BCAR3: variants seen among roughly 807,000 people sequenced by gnomAD.
BCAR3 encodes breast cancer anti-estrogen resistance protein 3.
Under a neutral mutation model 80.1 loss-of-function variants are expected in BCAR3, and 37 were observed. The observed-to-expected ratio is 0.46, with a 90% confidence interval of 0.36 to 0.61. The LOEUF (loss-of-function observed/expected upper bound fraction) is 0.61, where lower values mean the gene tolerates loss of function less well. Ranked by LOEUF, BCAR3 falls within the 20% of genes least tolerant of loss-of-function variation. BCAR3 has a pLI of 0.00. For synonymous variants in BCAR3, 389 were observed against 418.9 expected (o/e 0.93, Z 0.87); for missense variants, 978 against 1,068.2 (o/e 0.92, Z 1.18).
chr1:93,771,916 C>T (rs1434762168), intron 2 of BCAR3, among the ~76,000 whole-genome samples: 2 of 152,180 alleles, frequency 1.3e-5, no homozygotes, highest in Non-Finnish European at 2.9e-5. Flanking sequence ...ATGTCCATCT[C>T]CCTCCCACCA....
chr1:93,819,232 A>G (rs1654120623), intron 2 of BCAR3, among the ~76,000 whole-genome samples: 1 of 152,012 alleles, frequency 6.6e-6, no homozygotes, highest in Admixed American at 6.6e-5. Flanking sequence ...ACACCCAGTT[A>G]TTTTTGTATT....
chr1:93,669,499 G>A (rs1035037217), intron 2 of BCAR3, among the ~76,000 whole-genome samples: 6 of 152,166 alleles, frequency 3.9e-5, no homozygotes, highest in Non-Finnish European at 7.3e-5. Context: ...CTTGTGACGA[G>A]TCAGTCAGTT....
chr1:93,672,116 G>A (rs999199982), intron 2 of BCAR3, among the ~76,000 whole-genome samples: 1 of 152,192 alleles, frequency 6.6e-6, no homozygotes, highest in Non-Finnish European at 1.5e-5. Context: ...TAAACCAGGA[G>A]TGCTTGTTAA....
chr1:93,664,143 A>G (rs889876401), intron 2 of BCAR3, among the ~76,000 whole-genome samples: 4 of 152,028 alleles, frequency 2.6e-5, no homozygotes, highest in Non-Finnish European at 5.9e-5. Context: ...TTTGAGACGG[A>G]GTTTTGCTCT....
rs189528205 is a variant in BCAR3, at chr1:93,789,992, C to T, written c.-63+55575G>A. Among the ~76,000 whole-genome samples the T allele has an allele frequency of 3.4e-4, 51 of 152,206 alleles. 1 individual carries two copies. The highest frequency in any genetic ancestry group is 1.4e-3 in the Admixed American group (21 of 15,286). On this transcript the variant is annotated intron_variant, in intron 2 of 13. Transcript: ENST00000370244. ...AAACAAAAGTTAATGGGAAGCCCTT[C>T]CCCATTTGGTCAGAAGTAGAGGAGG...
chr1:93,680,418 C>T (rs764734041), intron 1 of BCAR3, among the ~76,000 whole-genome samples: 27 of 152,172 alleles, frequency 1.8e-4, no homozygotes, highest in Non-Finnish European at 2.9e-4. Context: ...AGCGCTTTGC[C>T]TGTGGGCTTC....
intron 2 of BCAR3, among the ~76,000 whole-genome samples, chr1:93,811,201 C>T (rs980806038): frequency 4.6e-5 from 7 of 151,982 alleles, no homozygotes; most frequent in African/African-American, 1.2e-4. Context: ...CTGGCCAGTG[C>T]GGCTTCCAGA....
chr1:93,631,855 C>T (rs989933372), intron 3 of BCAR3, among the ~76,000 whole-genome samples: 1 of 152,184 alleles, frequency 6.6e-6, no homozygotes, highest in African/African-American at 2.4e-5. Context: ...TATCTCAAAC[C>T]ATCAAGTTCA....
intron 2 of BCAR3, among the ~76,000 whole-genome samples, chr1:93,721,212 G>A (rs1650390626): frequency 6.6e-6 from 1 of 152,164 alleles, no homozygotes; most frequent in African/African-American, 2.4e-5. Flanking sequence ...GGAGGGGACA[G>A]TTACTCAGTT....
intron 1 of BCAR3, among the ~76,000 whole-genome samples, chr1:93,675,819 G>C (rs1648450627): frequency 6.6e-6 from 1 of 151,096 alleles, no homozygotes; most frequent in Non-Finnish European, 1.5e-5. Flanking sequence ...CATTTACCCT[G>C]AGCAGAGTCA....
chr1:93,670,923 AG>A (rs1648171301), intron 2 of BCAR3, among the ~76,000 whole-genome samples: 2 of 152,192 alleles, frequency 1.3e-5, no homozygotes, highest in African/African-American at 4.8e-5. Flanking sequence ...GTCAAAGAGG[AG>A]ACTTCCTCTG....
intron 2 of BCAR3, among the ~76,000 whole-genome samples, chr1:93,759,339 C>T (rs1463149942): frequency 6.6e-6 from 1 of 152,158 alleles, no homozygotes; most frequent in Non-Finnish European, 1.5e-5. Flanking sequence ...GGCTAATTTC[C>T]TAAGTAACAC....
At position 93,613,866 on chromosome 1, in the gene BCAR3, T is replaced by G. The variant is rs566457222; in HGVS notation, c.358-21473A>C. 3.2e-6 allele frequency: 5 copies of G among 1,550,544 alleles called. No individual in the cohort carries two copies. The East Asian group carries it at 1.2e-4, about 38-fold the overall frequency. The stretch of plus-strand genomic sequence containing the variant: ...ACCTACCTTGACTCCAATGAAAGAC[T>G]TGCGGTGATAGAAGCAGCACAGAGC... On this transcript the variant is annotated intron_variant, in intron 3 of 11. Coordinates refer to ENST00000260502, the MANE Select transcript of BCAR3 (RefSeq NM_003567.4).
chr1:93,820,611 ACT>A (rs1654178793), intron 2 of BCAR3, among the ~76,000 whole-genome samples: 5 of 151,946 alleles, frequency 3.3e-5, no homozygotes, highest in Admixed American at 3.3e-4. Context: ...ATGCTTCCAC[ACT>A]CTCTGGGCAT....
Position 93,562,247 on chromosome 1 carries a change from C to T in BCAR3, c.2472G>A (p.Glu824=). The T allele has an allele frequency of 6.2e-7, 1 of 1,613,460 alleles. No homozygotes were observed. The highest frequency in any genetic ancestry group is 8.5e-7 in the Non-Finnish European group (1 of 1,179,626). Residue 824 remains glutamate, a synonymous_variant, in exon 12 of 12, where the codon GAG becomes GAA. Transcript: ENST00000260502. The part of the protein sequence containing the change: ...KLEPPPVKQA[E]L ...AAGGTTCTCTGGAGAGTTATCAAAGCTCTGCCTGCTTTACAGGAGGAGGTT... is the reference window on the plus strand; with the variant it reads ...AAGGTTCTCTGGAGAGTTATCAAAGTTCTGCCTGCTTTACAGGAGGAGGTT...
chr1:93,782,354 C>A (rs1379513785), intron 2 of BCAR3, among the ~76,000 whole-genome samples: 1 of 152,124 alleles, frequency 6.6e-6, no homozygotes, highest in Non-Finnish European at 1.5e-5. Flanking sequence ...AGGAGAATAC[C>A]CCACATGAGT....
At chr1:93,691,326 T>A (rs1028498642) in intron 3 of BCAR3, among the ~76,000 whole-genome samples, 1 of 152,190 alleles carries the variant, frequency 6.6e-6, no homozygotes, top group African/African-American at 2.4e-5. Flanking sequence ...AGGCTGCTGT[T>A]GCTGAGTGGG....
At chr1:93,714,837 C>A (rs1378332207) in intron 2 of BCAR3, among the ~76,000 whole-genome samples, 1 of 152,138 alleles carries the variant, frequency 6.6e-6, no homozygotes, top group Admixed American at 6.5e-5. Flanking sequence ...ATAGTCTCAT[C>A]CGTGACTTTC....
At chr1:93,779,592 A>C (rs377459856) in intron 2 of BCAR3, among the ~76,000 whole-genome samples, 1 of 152,160 alleles carries the variant, frequency 6.6e-6, no homozygotes. Flanking sequence ...CCATGCAGAT[A>C]CCTAGGGGAA....
Sources: gnomAD v4.1 joint callset for allele counts (sites outside exome capture counted in the v4.1 genomes callset) on GRCh38, gnomAD v4.1.1 for gene constraint, MANE v1.5 for transcripts, NCBI Gene and HGNC (gene_info 2026-07-23, HGNC 2026-07-21) for gene names.